Variants in WWOX observed in about 807,000 individuals in gnomAD.
WWOX encodes the protein WW domain-containing oxidoreductase.
Under a neutral mutation model 46.2 loss-of-function variants are expected in WWOX, and 69 were observed. The ratio of observed to expected loss-of-function variants is 1.49; its 90% CI spans 1.23 to 1.82. The LOEUF (loss-of-function observed/expected upper bound fraction) is 1.82. Among genes scored for constraint, WWOX ranks in the 40% most tolerant of loss-of-function variants. The pLI, the probability that WWOX is intolerant of heterozygous loss-of-function variation, is 0.00. For missense variants in WWOX, 919 were observed against 542.6 expected (o/e 1.69, Z -6.89); for synonymous variants, 359 against 202.6 (o/e 1.77, Z -6.56).
At chr16:78,373,382 T>G (rs1192002404) in intron 5 of WWOX, among the ~76,000 whole-genome samples, 1 of 152,228 alleles carries the variant, frequency 6.6e-6, no homozygotes, top group African/African-American at 2.4e-5. Flanking sequence ...TTATTATAAC[T>G]TAACGTTTAT....
intron 8 of WWOX, among the ~76,000 whole-genome samples, chr16:78,701,841 C>G (rs2048224472): frequency 1.3e-5 from 2 of 151,260 alleles, no homozygotes; most frequent in Non-Finnish European, 1.5e-5. Context: ...TGGCGCAGCT[C>G]TCAGCGTAAA....
At chr16:78,438,866 T>A (rs186888265) in intron 8 of WWOX, among the ~76,000 whole-genome samples, 1 of 152,116 alleles carries the variant, frequency 6.6e-6, no homozygotes, top group Non-Finnish European at 1.5e-5. Context: ...AAATTATAAC[T>A]AGAAAAAGCA....
intron 8 of WWOX, among the ~76,000 whole-genome samples, chr16:78,446,135 G>A (rs2083555640): frequency 6.6e-6 from 1 of 152,196 alleles, no homozygotes; most frequent in Non-Finnish European, 1.5e-5. Context: ...AAAGGTATCA[G>A]TAGGGATCAT....
At chr16:78,131,724 GGT>G (rs934901936) in intron 4 of WWOX, among the ~76,000 whole-genome samples, 8 of 151,678 alleles carry the variant, frequency 5.3e-5, no homozygotes, top group African/African-American at 1.9e-4. Context: ...TGGGATTACA[GGT>G]GTGTGTGCCA....
intron 8 of WWOX, among the ~76,000 whole-genome samples, chr16:78,662,966 C>A (rs1234033138): frequency 6.6e-6 from 1 of 152,132 alleles, no homozygotes; most frequent in Non-Finnish European, 1.5e-5. Context: ...TTAACTTAAT[C>A]TTGGAAGTCA....
intron 8 of WWOX, among the ~76,000 whole-genome samples, chr16:78,827,676 TAA>T (rs11150103): frequency 1.5e-5 from 2 of 136,502 alleles, no homozygotes; most frequent in Admixed American, 7.5e-5. Context: ...CTACTAAAAA[TAA>T]AAAAAAAAAA....
intron 8 of WWOX, among the ~76,000 whole-genome samples, chr16:78,541,460 C>A (rs1374526526): frequency 4.5e-4 from 46 of 101,416 alleles, no homozygotes; most frequent in Non-Finnish European, 1.9e-4. Context: ...GGCGACAGAG[C>A]GAGACTCCGT....
chr16:78,685,103 G>T (rs1305125314), intron 8 of WWOX, among the ~76,000 whole-genome samples: 3 of 152,090 alleles, frequency 2.0e-5, no homozygotes, highest in Admixed American at 6.6e-5. Flanking sequence ...CAGTCTACTG[G>T]TATCTCCACT....
intron 8 of WWOX, among the ~76,000 whole-genome samples, chr16:78,739,798 G>C (rs2049173006): frequency 2.0e-5 from 3 of 152,124 alleles, no homozygotes; most frequent in Admixed American, 6.5e-5. Context: ...GCAACAGGGA[G>C]AGATTCCATC....
intron 5 of WWOX, among the ~76,000 whole-genome samples, chr16:78,331,572 G>A (rs1429659510): frequency 6.6e-6 from 1 of 152,188 alleles, no homozygotes; most frequent in African/African-American, 2.4e-5. Context: ...CTACCAGGCA[G>A]CACACAGACG....
At chr16:78,722,247 C>T (rs531978295) in intron 8 of WWOX, among the ~76,000 whole-genome samples, 24 of 152,284 alleles carry the variant, frequency 1.6e-4, no homozygotes, top group Non-Finnish European at 2.1e-4. Context: ...CGGGTTCAGA[C>T]GGACTTGGGG....
chr16:78,425,425 A>C (rs1318201878), intron 7 of WWOX, among the ~76,000 whole-genome samples: 3 of 152,210 alleles, frequency 2.0e-5, no homozygotes. Context: ...GAAACAATGC[A>C]ATTAGAGCCT....
Position 78,164,302 on chromosome 16 carries a change from C to G in WWOX, c.516+13C>G. 1 of 1,611,472 alleles carries G rather than the reference C, an allele frequency of 6.2e-7. No individual in the cohort carries two copies. Among genetic ancestry groups the G allele is most frequent in the Non-Finnish European group, 8.5e-7 (1 of 1,178,222 alleles). The stretch of plus-strand genomic sequence containing the variant: ...TTTAGAAGAATGGGTAAGTGCTTGA[C>G]TGTTGTTGTTTTTTTTAATTGTCAA... On this transcript the variant is annotated intron_variant, in intron 5 of 8. Transcript: ENST00000566780.
intron 8 of WWOX, among the ~76,000 whole-genome samples, chr16:78,440,623 T>C (rs985537020): frequency 6.6e-6 from 1 of 151,704 alleles, no homozygotes; most frequent in African/African-American, 2.4e-5. Context: ...TTTTTTTTTT[T>C]TCTTTTTTTT....
At chr16:78,119,496 C>T (rs2032982951) in intron 4 of WWOX, among the ~76,000 whole-genome samples, 8 of 152,178 alleles carry the variant, frequency 5.3e-5, no homozygotes, top group Admixed American at 5.2e-4. Context: ...AATGTGGGAC[C>T]ACCTACTCTG....
chr16:78,469,413 T>A (rs1438012082), intron 8 of WWOX, among the ~76,000 whole-genome samples: 1 of 152,078 alleles, frequency 6.6e-6, no homozygotes, highest in Non-Finnish European at 1.5e-5. Context: ...GGAGAAGGGC[T>A]GAAGGCAAAC....
intron 8 of WWOX, among the ~76,000 whole-genome samples, chr16:79,147,425 C>T (rs945432774): frequency 2.0e-5 from 3 of 152,200 alleles, no homozygotes; most frequent in African/African-American, 4.8e-5. Flanking sequence ...TTGCACGTGT[C>T]GGTAGCTTGT....
chr16:78,238,501 C>G (rs190382453), intron 5 of WWOX, among the ~76,000 whole-genome samples: 1 of 152,026 alleles, frequency 6.6e-6, no homozygotes, highest in African/African-American at 2.4e-5. Context: ...GTTTCTCTAC[C>G]ATGTTGGCCA....
At chr16:78,630,465 C>T (rs755238794) in intron 8 of WWOX, among the ~76,000 whole-genome samples, 14 of 152,282 alleles carry the variant, frequency 9.2e-5, no homozygotes, top group Middle Eastern at 3.4e-3. Flanking sequence ...AGGGTGCCTA[C>T]GTGGCCAACT....
Sources: gnomAD v4.1 joint callset for allele counts (sites outside exome capture counted in the v4.1 genomes callset) on GRCh38, gnomAD v4.1.1 for gene constraint, MANE v1.5 for transcripts, NCBI Gene and HGNC (gene_info 2026-07-23, HGNC 2026-07-21) for gene names.